RAB35: variants seen among roughly 807,000 people sequenced by gnomAD.
The protein encoded by RAB35 is ras-related protein Rab-35.
A neutral mutation model predicts 28.9 loss-of-function variants in RAB35; 4 were observed. That is an observed-to-expected ratio of 0.14 (90% CI 0.07 to 0.32). The LOEUF is 0.32. Ranked by LOEUF, RAB35 falls within the 10% of genes least tolerant of loss-of-function variation. The probability of loss-of-function intolerance (pLI) is 1.00; values close to 1 mark genes in which losing one functional copy is unlikely to be tolerated. For missense variants in RAB35, 128 were observed against 274.0 expected, an observed-to-expected ratio of 0.47 and a Z score of 3.76; for synonymous variants, 99 against 105.1, an observed-to-expected ratio of 0.94 and a Z score of 0.35.
At chr12:120,108,823 G>T in intron 1 of RAB35, 3 of 416,642 alleles carry the variant, frequency 7.2e-6, no homozygotes, top group South Asian at 5.7e-5. Context: ...CCCCAAGTGC[G>T]TCTACAACAT....
At chr12:120,110,429 A>AT (rs1210393742) in intron 1 of RAB35, among the ~76,000 whole-genome samples, 1 of 151,706 alleles carries the variant, frequency 6.6e-6, no homozygotes, top group Non-Finnish European at 1.5e-5. Context: ...CTCTTTAAAA[A>AT]TTTTTTGTAG....
chr12:120,112,198 G>C (rs1054407951), intron 1 of RAB35, among the ~76,000 whole-genome samples: 16 of 152,040 alleles, frequency 1.1e-4, no homozygotes, highest in Non-Finnish European at 1.2e-4. Flanking sequence ...AGCTGGTCTC[G>C]AGCTCCTGAC....
intron 3 of RAB35, among the ~76,000 whole-genome samples, chr12:120,102,665 C>G (rs1875705671): frequency 6.6e-6 from 1 of 152,228 alleles, no homozygotes; most frequent in African/African-American, 2.4e-5. Context: ...TACTCCCAGC[C>G]ATCCATGGGG....
At chr12:120,112,223 C>T (rs893156282) in intron 1 of RAB35, among the ~76,000 whole-genome samples, 1 of 152,110 alleles carries the variant, frequency 6.6e-6, no homozygotes, top group Non-Finnish European at 1.5e-5. Flanking sequence ...AGTGATCCGC[C>T]TGCCTCGGCC....
chr12:120,099,251 G>T (rs1460656991), intron 3 of RAB35, 97 bp from the exon 4 acceptor site: 3 of 1,514,938 alleles, frequency 2.0e-6, no homozygotes, highest in African/African-American at 2.7e-5. Context: ...ACCCGGAAAA[G>T]GTGAGGGTGG....
In RAB35 at chr12:120,103,933, C is replaced by T. The variant is rs372699146; in HGVS notation, c.120G>A (p.Thr40=). Residue 40 remains threonine (T), a synonymous_variant, in exon 3 of 6, where the codon ACG becomes ACA. Coordinates refer to ENST00000229340, the MANE Select transcript of RAB35 (RefSeq NM_006861.7). This position sits in a 1 kb window ranked among gnomAD's most constrained non-coding sequence, Gnocchi z 6.1. ...TCCGGATCTTGAAATCCACTCCGATCGTGGTGATGTAGCTGCCTGCACACA... is the reference window on the plus strand; with the variant it reads ...TCCGGATCTTGAAATCCACTCCGATTGTGGTGATGTAGCTGCCTGCACACA... ...DNTFSGSYIT[T]IGVDFKIRTV... is the part of the protein sequence containing the mutation. 1.4e-5 allele frequency: 23 copies of T among 1,613,938 alleles called. No homozygotes were observed. The highest frequency in any genetic ancestry group is 2.2e-5 in the East Asian group (1 of 44,894).
rs1875728987 is a variant in RAB35 at position 120,103,216 on chromosome 12, G to A, written c.227+610C>T. Among the ~76,000 whole-genome samples, 1 of 152,222 alleles carries A rather than the reference G, an allele frequency of 6.6e-6. No individual in the cohort carries two copies. On this transcript the variant is annotated intron_variant, in intron 3 of 5. Coordinates refer to ENST00000229340, the MANE Select transcript of RAB35 (RefSeq NM_006861.7). This position sits in a 1 kb window ranked among gnomAD's most constrained non-coding sequence, Gnocchi z 6.1. ...CCCAATAACCAGGAGCCGCTCCGAAGGACACTGCCCATCTGCGCAGGAGCC... is the reference window on the plus strand; with the variant it reads ...CCCAATAACCAGGAGCCGCTCCGAAAGACACTGCCCATCTGCGCAGGAGCC...
chr12:120,116,132 T>C (rs1438229352), intron 1 of RAB35, among the ~76,000 whole-genome samples: 1 of 152,184 alleles, frequency 6.6e-6, no homozygotes, highest in African/African-American at 2.4e-5. Context: ...AGTGAACATT[T>C]ACTTCGAGCT....
Position 120,098,851 on chromosome 12 carries a change from A to C in RAB35, c.437T>G (p.Leu146Trp). ...YKFAGQMGIQLFETSAKENVN... is the reference protein window; with the variant it reads ...YKFAGQMGIQWFETSAKENVN... ...ATTCTCCTTGGCGCTGGTCTCGAAC[A>C]ACTGGATGCCCATCTGCCCGGCGAA... is the stretch of plus-strand genomic sequence containing the variant. The change falls in exon 5 of 6, where the codon TTG becomes TGG. Residue 146 changes from leucine to tryptophan, a missense_variant. By Grantham distance (61) the Leu-to-Trp change is moderately conservative. Coordinates refer to ENST00000229340, the MANE Select transcript of RAB35 (RefSeq NM_006861.7). The C allele has an allele frequency of 6.2e-7, 1 of 1,614,212 alleles. No homozygotes were observed. The highest frequency in any genetic ancestry group is 8.5e-7 in the Non-Finnish European group (1 of 1,180,038).
intron 1 of RAB35, among the ~76,000 whole-genome samples, chr12:120,110,794 G>T (rs1021134051): frequency 2.0e-4 from 30 of 152,222 alleles, no homozygotes; most frequent in African/African-American, 7.2e-4. Flanking sequence ...AGACAGGCCA[G>T]GGTGAGGCTC....
intron 3 of RAB35, among the ~76,000 whole-genome samples, chr12:120,102,206 G>A (rs1167849229): frequency 6.6e-6 from 1 of 152,198 alleles, no homozygotes; most frequent in Non-Finnish European, 1.5e-5. Context: ...ATAAAATGGA[G>A]ATAGTCACAG....
At chr12:120,101,687 G>A (rs1875662894) in intron 3 of RAB35, among the ~76,000 whole-genome samples, 1 of 152,206 alleles carries the variant, frequency 6.6e-6, no homozygotes, top group Non-Finnish European at 1.5e-5. Context: ...GCCTCATGAG[G>A]GCCAGAGCGG....
intron 5 of RAB35, among the ~76,000 whole-genome samples, chr12:120,098,029 G>A (rs543411910): frequency 5.9e-5 from 9 of 151,958 alleles, no homozygotes; most frequent in East Asian, 2.0e-4. Flanking sequence ...GACTACAGGC[G>A]CCCACCACCA....
chr12:120,109,881 A>G (rs951129945), intron 1 of RAB35, among the ~76,000 whole-genome samples: 1 of 151,992 alleles, frequency 6.6e-6, no homozygotes, highest in Non-Finnish European at 1.5e-5. Flanking sequence ...CCTGTCCCCA[A>G]TCTCCAACAC....
Position 120,096,228 on chromosome 12 carries a change from TC to T in RAB35, c.*1016del, listed in dbSNP as rs1483997144. 1.3e-5 allele frequency: 5 copies of T among 393,544 alleles called. No homozygotes were observed. The Admixed American group carries it at 1.9e-4, about 15-fold the overall frequency. 24.4% of individuals were successfully genotyped at this position (393,544 alleles called of 1,614,324 possible). A position where few individuals can be genotyped will look rare whatever the true frequency, so the allele number is the denominator to read the frequency against. On this transcript the variant is annotated 3_prime_UTR_variant, in exon 6 of 6. Coordinates refer to ENST00000229340, the MANE Select transcript of RAB35 (RefSeq NM_006861.7). ...TCGGACAAGGGTGGGAGGCCCCTTCTCCGCTCCCACCAAGAAAGCCCAAGAG... is the reference window on the plus strand; with the variant it reads ...TCGGACAAGGGTGGGAGGCCCCTTCTCGCTCCCACCAAGAAAGCCCAAGAG...
rs570298453 is a variant in RAB35, at chr12:120,108,259, C to G, written c.103+158G>C. ...ACAGAGGCTTCTGACAGAAGCGCCACAAGGTCCTAAGCCCCACTCCATCTT... is the reference window on the plus strand; with the variant it reads ...ACAGAGGCTTCTGACAGAAGCGCCAGAAGGTCCTAAGCCCCACTCCATCTT... On this transcript the variant is annotated intron_variant, in intron 2 of 5. Coordinates refer to ENST00000229340, the MANE Select transcript of RAB35 (RefSeq NM_006861.7). Among the ~76,000 whole-genome samples, 3 of 152,262 alleles carry G rather than the reference C, an allele frequency of 2.0e-5. No homozygotes were observed. In the East Asian group the frequency reaches 5.8e-4, roughly 29 times the overall value.
rs1348433939 is a variant in RAB35 at position 120,097,147 on chromosome 12, A to G, written c.*98T>C. The stretch of plus-strand genomic sequence containing the variant: ...CAAAAACATGGAGAGAATTCTTTAA[A>G]TAACGGCACGAAACTGAGACTGTCC... On this transcript the variant is annotated 3_prime_UTR_variant, in exon 6 of 6. Coordinates refer to ENST00000229340, the MANE Select transcript of RAB35 (RefSeq NM_006861.7). 2 of 1,610,694 alleles carry G rather than the reference A, an allele frequency of 1.2e-6. No individual in the cohort carries two copies. The highest frequency in any genetic ancestry group is 1.1e-5 in the South Asian group (1 of 90,628).
rs1875355827 is a variant in RAB35 at position 120,095,742 on chromosome 12, TGAG to T, written c.*1500_*1502del. Reference sequence around the variant, plus strand: ...GCAGTTTGGGCAAGTGGAGAGTCGGTGAGAAGAAACCCCCAGTTTTTATTGATT... The same window carrying T: ...GCAGTTTGGGCAAGTGGAGAGTCGGTAAGAAACCCCCAGTTTTTATTGATT... On this transcript the variant is annotated 3_prime_UTR_variant, in exon 6 of 6. Coordinates refer to ENST00000229340, the MANE Select transcript of RAB35 (RefSeq NM_006861.7). 6.6e-6 allele frequency: 1 copy of T among 152,032 alleles called. No homozygotes were observed. The highest frequency in any genetic ancestry group is 1.5e-5 in the Non-Finnish European group (1 of 68,036). 9.4% of individuals were successfully genotyped at this position (152,032 alleles called of 1,614,324 possible).
rs1028218252 is a variant in RAB35, at chr12:120,116,546, C to G, written c.52+53G>C. ...CGCCCGCCTGCCGCCCCGAGGCCCC[C>G]GCGGGCCGCGCCCGGCAGGGCCCGC... On this transcript the variant is annotated intron_variant, in intron 1 of 5. Transcript: ENST00000229340. 43 of 1,016,536 alleles carry G rather than the reference C, an allele frequency of 4.2e-5. No homozygotes were observed. The African/African-American group carries it at 7.0e-4, about 16-fold the overall frequency. 63.0% of individuals were successfully genotyped at this position (1,016,536 alleles called of 1,614,324 possible).
Sources: allele counts gnomAD v4.1 joint callset (sites outside exome capture counted in the v4.1 genomes callset), GRCh38; gene constraint gnomAD v4.1.1; non-coding constraint Gnocchi (gnomAD v3.1); transcripts MANE v1.5; gene names NCBI Gene and HGNC (gene_info 2026-07-23, HGNC 2026-07-21).